SH3BP5: variants seen among roughly 807,000 people sequenced by gnomAD.
SH3BP5 encodes the protein SH3 domain binding protein 5.
Under a neutral mutation model 43.3 loss-of-function variants are expected in SH3BP5, and 22 were observed. The observed-to-expected ratio is 0.51, with a 90% CI of 0.36 to 0.73. The LOEUF is 0.73. Ranked by LOEUF, SH3BP5 falls within the 30% of genes least tolerant of loss-of-function variation. SH3BP5 has a pLI of 0.00. For synonymous variants in SH3BP5, 255 were observed against 225.8 expected (o/e 1.13, Z -1.16); for missense variants, 529 against 586.9 (o/e 0.90, Z 1.02).
rs539748690 is a variant in SH3BP5, at chr3:15,283,281, C to T, written c.331-13404G>A. Among the ~76,000 whole-genome samples the T allele has an allele frequency of 6.6e-5, 10 of 152,252 alleles. No individual in the cohort carries two copies. In the East Asian group the frequency reaches 1.3e-3, roughly 21 times the overall value. On this transcript the variant is annotated intron_variant, in intron 3 of 8. Coordinates refer to ENST00000383791, the MANE Select transcript of SH3BP5 (RefSeq NM_004844.5). Reference sequence around the variant, plus strand: ...AGTGTGGTGGCAGGCGCCTGTAGTCCGAGCTACTCAGGTGACTGAGGCACG... The same window carrying T: ...AGTGTGGTGGCAGGCGCCTGTAGTCTGAGCTACTCAGGTGACTGAGGCACG...
At chr3:15,299,771 CT>C in intron 3 of SH3BP5, among the ~76,000 whole-genome samples, 1 of 151,858 alleles carries the variant, frequency 6.6e-6, no homozygotes, top group South Asian at 2.1e-4. Flanking sequence ...AGGTTTTTCC[CT>C]TTTAAGTACC....
chr3:15,299,803 T>C (rs554821337), intron 3 of SH3BP5, among the ~76,000 whole-genome samples: 60 of 144,960 alleles, frequency 4.1e-4, no homozygotes, highest in African/African-American at 1.5e-3. Flanking sequence ...ACACTGGATA[T>C]TCCAGTGGAT....
intron 3 of SH3BP5, among the ~76,000 whole-genome samples, chr3:15,301,345 G>T (rs1289156570): frequency 6.6e-6 from 1 of 152,106 alleles, no homozygotes; most frequent in African/African-American, 2.4e-5. Context: ...TCTGTTGGTG[G>T]CTCCCCAACA....
chr3:15,294,068 T>C (rs1221579998), intron 3 of SH3BP5, among the ~76,000 whole-genome samples: 20 of 117,766 alleles, frequency 1.7e-4, no homozygotes, highest in African/African-American at 7.2e-4. Context: ...ATAGAGCAAG[T>C]CTCCATCTCA....
chr3:15,297,973 CTTTTTT>C (rs57568903), intron 3 of SH3BP5, among the ~76,000 whole-genome samples: 28 of 134,852 alleles, frequency 2.1e-4, no homozygotes, highest in Non-Finnish European at 2.0e-4. Context: ...TTTTCTTTTT[CTTTTTT>C]TTTTTTTTTT....
intron 3 of SH3BP5, among the ~76,000 whole-genome samples, chr3:15,288,329 T>G (rs894903791): frequency 6.6e-6 from 1 of 152,256 alleles, no homozygotes; most frequent in Non-Finnish European, 1.5e-5. Context: ...CCAGTCAAGC[T>G]GACACATAAA....
At chr3:15,267,009 T>G (rs1220582409) in intron 4 of SH3BP5, among the ~76,000 whole-genome samples, 1 of 152,250 alleles carries the variant, frequency 6.6e-6, no homozygotes, top group Non-Finnish European at 1.5e-5. Context: ...TTTTCTTTTA[T>G]TAGACCCTTA....
intron 3 of SH3BP5, among the ~76,000 whole-genome samples, chr3:15,299,530 G>A (rs1394913859): frequency 8.9e-6 from 1 of 111,936 alleles, no homozygotes; most frequent in East Asian, 3.0e-4. Context: ...GTCTTGCTCT[G>A]TCACCCAGGC....
Position 15,326,068 on chromosome 3 carries a change from T to C in SH3BP5, c.201+4436A>G, listed in dbSNP as rs182724171. Among the ~76,000 whole-genome samples the C allele has an allele frequency of 5.3e-3, 809 of 152,298 alleles. 8 individuals carry two copies. Among genetic ancestry groups the C allele is most frequent in the African/African-American group, 0.018 (764 of 41,558 alleles). ...CAATGGATCTGTGGGAAAATGCTTA[T>C]TTTCCTAACTTAAAACATCAGGCTT... On this transcript the variant is annotated intron_variant, in intron 2 of 8. Coordinates refer to ENST00000383791, the MANE Select transcript of SH3BP5 (RefSeq NM_004844.5).
At chr3:15,307,282 A>T (rs1189329514) in intron 2 of SH3BP5, among the ~76,000 whole-genome samples, 1 of 152,144 alleles carries the variant, frequency 6.6e-6, no homozygotes, top group Non-Finnish European at 1.5e-5. Flanking sequence ...CAGCTTCTAC[A>T]GGCAGAAGAC....
At chr3:15,259,194 G>C (rs10510435) in intron 6 of SH3BP5, 144 bp from the exon 7 acceptor site, 3 of 662,128 alleles carry the variant, frequency 4.5e-6, no homozygotes, top group Non-Finnish European at 7.9e-6. Context: ...AATTACCATT[G>C]TAACTGCTAT....
chr3:15,292,877 A>G (rs1697452789), intron 3 of SH3BP5, among the ~76,000 whole-genome samples: 1 of 152,060 alleles, frequency 6.6e-6, no homozygotes, highest in Admixed American at 6.5e-5. Flanking sequence ...AAACCTCAAG[A>G]TCAGCAACAC....
intron 3 of SH3BP5, among the ~76,000 whole-genome samples, chr3:15,290,479 T>G (rs1175184246): frequency 6.8e-6 from 1 of 146,290 alleles, no homozygotes; most frequent in Admixed American, 6.9e-5. Context: ...TGAGCCGAGA[T>G]TGCGCCACTG....
chr3:15,330,046 G>A (rs1235002030), intron 2 of SH3BP5, among the ~76,000 whole-genome samples: 1 of 152,234 alleles, frequency 6.6e-6, no homozygotes, highest in Non-Finnish European at 1.5e-5. Context: ...GCAGAAGGAG[G>A]CGGGGGGTGA....
At chr3:15,332,947 C>T, upstream of SH3BP5, 1 of 456,810 alleles carries the variant, frequency 2.2e-6, no homozygotes, top group Non-Finnish European at 2.9e-6. Context: ...CAAGACTTGC[C>T]GAAACCCTAT....
At position 15,265,512 on chromosome 3, in the gene SH3BP5, T is replaced by TCTCACTCACACACACACACA. The variant is rs1318765546; in HGVS notation, c.496-3224_496-3223insTGTGTGTGTGTGTGAGTGAG. On this transcript the variant is annotated intron_variant, in intron 4 of 8. Coordinates refer to ENST00000383791, the MANE Select transcript of SH3BP5 (RefSeq NM_004844.5). ...GCCTGAGCTACAGGGCGAGACTCCG[T>TCTCACTCACACACACACACA]CACACACACACACACACACACACAC... 1.7e-3 allele frequency among the ~76,000 whole-genome samples: 182 copies of TCTCACTCACACACACACACA among 107,984 alleles called. 4 individuals are homozygous for TCTCACTCACACACACACACA. Among genetic ancestry groups the TCTCACTCACACACACACACA allele is most frequent in the African/African-American group, 7.1e-3 (171 of 24,116 alleles). 70.8% of individuals were successfully genotyped at this position (107,984 alleles called of 152,430 possible).
chr3:15,263,972 T>C (rs561012741), intron 4 of SH3BP5, among the ~76,000 whole-genome samples: 3 of 152,254 alleles, frequency 2.0e-5, no homozygotes, highest in South Asian at 4.1e-4. Flanking sequence ...TCAGACCCCG[T>C]AGAACAATTT....
chr3:15,330,669 G>T, intron 1 of SH3BP5, 103 bp from the exon 2 acceptor site: 1 of 1,393,362 alleles, frequency 7.2e-7, no homozygotes, highest in Non-Finnish European at 9.4e-7. Flanking sequence ...CCAATTTGCA[G>T]GAAAAGGGAA....
chr3:15,296,797 A>AGCCTG (rs932337349), intron 3 of SH3BP5, among the ~76,000 whole-genome samples: 47 of 145,998 alleles, frequency 3.2e-4, no homozygotes, highest in Admixed American at 1.0e-3. Flanking sequence ...AGGCTCACGC[A>AGCCTG]ATCCTTCTAC....
Sources: allele counts gnomAD v4.1 joint callset (sites outside exome capture counted in the v4.1 genomes callset), GRCh38; gene constraint gnomAD v4.1.1; transcripts MANE v1.5; gene names NCBI Gene and HGNC (gene_info 2026-07-23, HGNC 2026-07-21).